The following DCUN1D2 variants were observed in gnomAD, a reference collection of about 807,000 sequenced individuals.
DCUN1D2 encodes the protein defective in cullin neddylation 1 domain containing 2, also known as DCN1-like protein 2.
DCUN1D2 carries 29 observed loss-of-function variants against 30.9 expected under a neutral mutation model. That is an observed-to-expected ratio of 0.94 (90% CI 0.70 to 1.28). The LOEUF (loss-of-function observed/expected upper bound fraction) is 1.28, where lower values mean the gene tolerates loss of function less well. Ranked by LOEUF, DCUN1D2 falls within the 50% of genes most tolerant of loss-of-function variation. The probability of loss-of-function intolerance (pLI) is 0.00; values close to 1 mark genes in which losing one functional copy is unlikely to be tolerated. For missense variants in DCUN1D2, 325 were observed against 316.9 expected (o/e 1.03, Z -0.19); for synonymous variants, 121 against 115.3 (o/e 1.05, Z -0.32).
At chr13:113,480,814 TCC>T in intron 2 of DCUN1D2, 71 bp from the exon 3 acceptor site, 1 of 1,531,710 alleles carries the variant, frequency 6.5e-7, no homozygotes, top group Non-Finnish European at 9.0e-7. Context: ...GAGGTTTGAA[TCC>T]TAGCATTCGA....
At chr13:113,465,318 C>A (rs9324243) in intron 4 of DCUN1D2, among the ~76,000 whole-genome samples, 1 of 152,090 alleles carries the variant, frequency 6.6e-6, no homozygotes, top group South Asian at 2.1e-4. Context: ...GGAAAGGAAG[C>A]TGGATAGACC....
At chr13:113,466,991 GT>G (rs934861591) in intron 4 of DCUN1D2, among the ~76,000 whole-genome samples, 6 of 151,914 alleles carry the variant, frequency 3.9e-5, no homozygotes, top group Non-Finnish European at 7.4e-5. Context: ...TATTTTTTTA[GT>G]AGAGATGGGG....
intron 4 of DCUN1D2, among the ~76,000 whole-genome samples, chr13:113,471,383 C>T (rs1434166079): frequency 6.6e-6 from 1 of 152,110 alleles, no homozygotes; most frequent in Non-Finnish European, 1.5e-5. Flanking sequence ...CACAGGGGAC[C>T]CAACTCCACA....
rs940208173 is a variant in DCUN1D2 at position 113,456,337 on chromosome 13, G to A, written c.*1692C>T. Reference sequence around the variant, plus strand: ...CCTGCTGCCCTCTGTGACCATCTCTGCTAAGAAACATCGACAGTTCGTCCT... The same window carrying A: ...CCTGCTGCCCTCTGTGACCATCTCTACTAAGAAACATCGACAGTTCGTCCT... On this transcript the variant is annotated 3_prime_UTR_variant, in exon 7 of 7. Transcript: ENST00000478244. 4.0e-5 allele frequency: 16 copies of A among 398,650 alleles called. No individual in the cohort carries two copies. Among genetic ancestry groups the A allele is most frequent in the South Asian group, 1.3e-4 (1 of 7,864 alleles). The allele number at this position is 398,650 out of a possible 1,614,324, so 24.7% of individuals were successfully genotyped here.
intron 3 of DCUN1D2, 156 bp downstream of exon 3, chr13:113,480,419 A>T (rs2044688310): frequency 1.9e-6 from 1 of 539,200 alleles, no homozygotes; most frequent in Admixed American, 4.1e-5. Flanking sequence ...AGGAAACCAA[A>T]GGCTTGATAG....
rs539389760 is a variant in DCUN1D2, at chr13:113,488,780, C to T, written c.3+1887G>A. On this transcript the variant is annotated intron_variant, in intron 1 of 6. Transcript: ENST00000478244. The surrounding 1 kb of genome is among the most constrained non-coding windows in gnomAD (Gnocchi z 4.3). ...ACTGGAACTAGGGCCGCCCTTCAAG[C>T]TCACAACCTTCACTGAGGCTTACCA... is the stretch of plus-strand genomic sequence containing the variant. Among the ~76,000 whole-genome samples, 1 of 152,318 alleles carries T rather than the reference C, an allele frequency of 6.6e-6. No homozygotes were observed. Among genetic ancestry groups the T allele is most frequent in the East Asian group, 1.9e-4 (1 of 5,190 alleles).
intron 1 of DCUN1D2, among the ~76,000 whole-genome samples, chr13:113,487,612 C>G (rs1262233695): frequency 6.6e-6 from 1 of 152,184 alleles, no homozygotes; most frequent in Non-Finnish European, 1.5e-5. Flanking sequence ...TCCAGCCACA[C>G]AGTGTACGAT....
chr13:113,481,601 T>A (rs981457729), intron 2 of DCUN1D2, among the ~76,000 whole-genome samples: 1 of 152,212 alleles, frequency 6.6e-6, no homozygotes, highest in Non-Finnish European at 1.5e-5. Flanking sequence ...GAAAAATTGG[T>A]GGCTGGGCAC....
upstream of DCUN1D2, chr13:113,490,934 AC>A (rs2044975936): frequency 4.6e-6 from 1 of 216,468 alleles, no homozygotes; most frequent in African/African-American, 2.3e-5. The surrounding 1 kb of genome is among the most constrained non-coding windows in gnomAD (Gnocchi z 5.2). Context: ...GCCAGGCCCC[AC>A]GCCGGCCAGG....
intron 1 of DCUN1D2, among the ~76,000 whole-genome samples, chr13:113,484,498 T>TC (rs2139743302): frequency 6.6e-6 from 1 of 152,302 alleles, no homozygotes; most frequent in East Asian, 1.9e-4. Context: ...AGATTTTTTT[T>TC]CCCACTTTAA....
chr13:113,459,977 G>C (rs112558069), intron 5 of DCUN1D2, among the ~76,000 whole-genome samples: 9 of 152,298 alleles, frequency 5.9e-5, no homozygotes, highest in African/African-American at 2.2e-4. Flanking sequence ...ATGACACTGT[G>C]AGCGCCTTCA....
intron 1 of DCUN1D2, chr13:113,489,086 T>G: frequency 1.0e-6 from 1 of 984,782 alleles, no homozygotes; most frequent in Non-Finnish European, 1.2e-6. Context: ...TAGGGTCAAC[T>G]TACCCGGGGC....
intron 4 of DCUN1D2, among the ~76,000 whole-genome samples, chr13:113,464,352 T>C (rs1481955903): frequency 1.3e-5 from 2 of 152,226 alleles, no homozygotes; most frequent in African/African-American, 4.8e-5. Context: ...ACTGAAAGCT[T>C]TGATGCTTAA....
Position 113,456,756 on chromosome 13 carries a change from T to A in DCUN1D2, c.*1273A>T, listed in dbSNP as rs1381212973. 1 of 177,452 alleles carries A rather than the reference T, an allele frequency of 5.6e-6. No homozygotes were observed. Among genetic ancestry groups the A allele is most frequent in the Non-Finnish European group, 1.2e-5 (1 of 85,552 alleles). The allele number at this position is 177,452 out of a possible 1,614,324, so 11.0% of individuals were successfully genotyped here. The stretch of plus-strand genomic sequence containing the variant: ...TCAGATGAAGGTTTTGGGGTTGGGT[T>A]TTTTCAGACAACGATGTACATTTTA... On this transcript the variant is annotated 3_prime_UTR_variant, in exon 7 of 7. Transcript: ENST00000478244.
chr13:113,486,267 C>T (rs1380237263), intron 1 of DCUN1D2, among the ~76,000 whole-genome samples: 1 of 152,126 alleles, frequency 6.6e-6, no homozygotes, highest in African/African-American at 2.4e-5. Flanking sequence ...CCAAATGCCA[C>T]ATGTTCTCAC....
At chr13:113,458,438 C>T (rs2044262858) in intron 6 of DCUN1D2, among the ~76,000 whole-genome samples, 1 of 152,188 alleles carries the variant, frequency 6.6e-6, no homozygotes, top group Non-Finnish European at 1.5e-5. Context: ...AGGCATGTTC[C>T]TCAGGTCATT....
At chr13:113,471,016 C>A (rs889398883) in intron 4 of DCUN1D2, among the ~76,000 whole-genome samples, 1 of 149,932 alleles carries the variant, frequency 6.7e-6, no homozygotes, top group African/African-American at 2.5e-5. Flanking sequence ...GACCCAACTC[C>A]ACAGAGGACC....
In DCUN1D2 at chr13:113,490,632, A is replaced by G; in HGVS notation, c.3+35T>C. On this transcript the variant is annotated intron_variant, in intron 1 of 6. Transcript: ENST00000478244. The surrounding 1 kb of genome is among the most constrained non-coding windows in gnomAD (Gnocchi z 5.2). ...ACCTTGGGGCCCGACCCCGACCCCG[A>G]CCCCGACGGGCAGAGGCGACGCCGG... The G allele has an allele frequency of 1.6e-6, 2 of 1,228,310 alleles. No homozygotes were observed. The highest frequency in any genetic ancestry group is 2.0e-6 in the Non-Finnish European group (2 of 986,206). The allele number at this position is 1,228,310 out of a possible 1,614,324, so 76.1% of individuals were successfully genotyped here. A position where few individuals can be genotyped will look rare whatever the true frequency, so the allele number is the denominator to read the frequency against.
intron 1 of DCUN1D2, 76 bp from the exon 2 acceptor site, chr13:113,484,132 C>G: frequency 6.3e-7 from 1 of 1,588,464 alleles, no homozygotes; most frequent in Non-Finnish European, 8.5e-7. Flanking sequence ...AACGCCTGCA[C>G]TTTAACTGGG....
Sources: allele counts gnomAD v4.1 joint callset (sites outside exome capture counted in the v4.1 genomes callset), GRCh38; gene constraint gnomAD v4.1.1; non-coding constraint Gnocchi (gnomAD v3.1); transcripts MANE v1.5; gene names NCBI Gene and HGNC (gene_info 2026-07-23, HGNC 2026-07-21).